HIPK2: variants seen among roughly 807,000 people sequenced by gnomAD.
The protein encoded by HIPK2 is homeodomain-interacting protein kinase 2.
Under a neutral mutation model 113.7 loss-of-function variants are expected in HIPK2, and 27 were observed. The ratio of observed to expected loss-of-function variants is 0.24; its 90% CI spans 0.17 to 0.33. HIPK2 has a LOEUF of 0.33. Ranked by LOEUF, HIPK2 falls within the 10% of genes least tolerant of loss-of-function variation. HIPK2 has a pLI of 1.00. For missense variants in HIPK2, 1,257 were observed against 1,588.0 expected (o/e 0.79, Z 3.54); for synonymous variants, 631 against 642.2 (o/e 0.98, Z 0.26).
intron 6 of HIPK2, among the ~76,000 whole-genome samples, chr7:139,624,401 C>T (rs1199892767): frequency 6.6e-6 from 1 of 152,178 alleles, no homozygotes; most frequent in Non-Finnish European, 1.5e-5. Context: ...CATTCCCTGC[C>T]TCGCTAGGAA....
rs35524669 is a variant in HIPK2 at position 139,630,078 on chromosome 7, C to T, written c.1348-1039G>A. ...CCAAAACAACAACAAAACAAACACC[C>T]ACCCACCCTGCTGCAAAAAAAGAAA... On this transcript the variant is annotated intron_variant, in intron 4 of 14. Coordinates refer to ENST00000406875, the MANE Select transcript of HIPK2 (RefSeq NM_022740.5). The surrounding 1 kb of genome is among the most constrained non-coding windows in gnomAD (Gnocchi z 4.0). Among the ~76,000 whole-genome samples the T allele has an allele frequency of 0.046, 6,993 of 152,086 alleles. 245 individuals are homozygous for T. The highest frequency in any genetic ancestry group is 0.071 in the Middle Eastern group (21 of 294).
chr7:139,586,727 C>G (rs1798842834), intron 12 of HIPK2, among the ~76,000 whole-genome samples: 1 of 151,798 alleles, frequency 6.6e-6, no homozygotes, highest in African/African-American at 2.4e-5. Flanking sequence ...CCACTGCACT[C>G]CAGCCTGGGT....
chr7:139,617,678 T>A (rs533352210), intron 7 of HIPK2, among the ~76,000 whole-genome samples: 2 of 152,340 alleles, frequency 1.3e-5, no homozygotes, highest in African/African-American at 4.8e-5. Flanking sequence ...TAACGGGTTA[T>A]GAATTATTGA....
intron 1 of HIPK2, among the ~76,000 whole-genome samples, chr7:139,752,551 A>C (rs1445807141): frequency 6.6e-6 from 1 of 151,894 alleles, no homozygotes; most frequent in Non-Finnish European, 1.5e-5. Flanking sequence ...AAAGCACCCC[A>C]AGCTAACTTA....
At position 139,573,176 on chromosome 7, in the gene HIPK2, G is replaced by C. The variant is rs757218007; in HGVS notation, c.3348C>G (p.Thr1116=). The change falls in exon 15 of 15, where the codon ACC becomes ACG. Residue 1116 remains threonine, a synonymous_variant. Coordinates refer to ENST00000406875, the MANE Select transcript of HIPK2 (RefSeq NM_022740.5). ...CTTGCGAGGCCACCAGGTGGGCCACGGTGCCGGTGGAGCCCAGGGCCGCCG... is the reference window on the plus strand; with the variant it reads ...CTTGCGAGGCCACCAGGTGGGCCACCGTGCCGGTGGAGCCCAGGGCCGCCG... ...TAPAALGSTG[T]VAHLVASQGS... 6.2e-7 allele frequency: 1 copy of C among 1,608,924 alleles called. No individual in the cohort carries two copies. Among genetic ancestry groups the C allele is most frequent in the African/African-American group, 1.3e-5 (1 of 74,874 alleles).
At chr7:139,687,193 A>C (rs1323440649) in intron 2 of HIPK2, among the ~76,000 whole-genome samples, 1 of 152,264 alleles carries the variant, frequency 6.6e-6, no homozygotes, top group Non-Finnish European at 1.5e-5. Flanking sequence ...CTTCTGCTTC[A>C]GCCTCCCAAG....
At chr7:139,734,113 T>A (rs1229234098) in intron 1 of HIPK2, among the ~76,000 whole-genome samples, 1 of 152,258 alleles carries the variant, frequency 6.6e-6, no homozygotes, top group East Asian at 1.9e-4. Flanking sequence ...AGGCACAGCA[T>A]GCTCACCTAG....
chr7:139,723,296 C>T (rs1040523310), intron 1 of HIPK2, among the ~76,000 whole-genome samples: 8 of 150,320 alleles, frequency 5.3e-5, no homozygotes, highest in Non-Finnish European at 1.0e-4. Flanking sequence ...CGAGTTCAAG[C>T]GAATCTCCTG....
chr7:139,693,548 CAG>C (rs60120398), intron 2 of HIPK2, among the ~76,000 whole-genome samples: 20,383 of 152,164 alleles, frequency 0.13, 1,550 homozygotes, highest in Non-Finnish European at 0.18. Flanking sequence ...TTGGTTTCCT[CAG>C]ACTCAATTTT....
At chr7:139,771,517 G>T (rs1336671091) in intron 1 of HIPK2, among the ~76,000 whole-genome samples, 3 of 152,152 alleles carry the variant, frequency 2.0e-5, no homozygotes, top group Non-Finnish European at 2.9e-5. Context: ...TTATAACTTA[G>T]ATGCATTAAA....
At chr7:139,774,651 A>G (rs1211833040) in intron 1 of HIPK2, among the ~76,000 whole-genome samples, 1 of 152,192 alleles carries the variant, frequency 6.6e-6, no homozygotes, top group Admixed American at 6.5e-5. Flanking sequence ...ACATAAGCCA[A>G]TAGTAATCAA....
At chr7:139,757,447 C>A (rs886064325) in intron 1 of HIPK2, among the ~76,000 whole-genome samples, 1 of 152,110 alleles carries the variant, frequency 6.6e-6, no homozygotes, top group Non-Finnish European at 1.5e-5. Context: ...GAAAGCCAGC[C>A]TCCTGCACTC....
intron 13 of HIPK2, among the ~76,000 whole-genome samples, chr7:139,580,496 A>G (rs1237910624): frequency 3.9e-5 from 6 of 152,180 alleles, no homozygotes; most frequent in African/African-American, 1.4e-4. Context: ...ATGCTGGTCA[A>G]CCTCCTAATG....
At position 139,749,055 on chromosome 7, in the gene HIPK2, A is replaced by C. The variant is rs73474132; in HGVS notation, c.19+28550T>G. Among the ~76,000 whole-genome samples the C allele has an allele frequency of 8.7e-3, 1,320 of 152,330 alleles. 13 individuals are homozygous for C. The highest frequency in any genetic ancestry group is 0.03 in the African/African-American group (1,242 of 41,578). Reference sequence around the variant, plus strand: ...GACCTTGAATACAGTGTGAAGGAAAAACTGTCACAATTGTCATGGTCACAA... The same window carrying C: ...GACCTTGAATACAGTGTGAAGGAAACACTGTCACAATTGTCATGGTCACAA... On this transcript the variant is annotated intron_variant, in intron 1 of 14. Coordinates refer to ENST00000406875, the MANE Select transcript of HIPK2 (RefSeq NM_022740.5).
chr7:139,563,748 C>A lies in HIPK2; in HGVS notation c.*9179G>T. ...AAAGACTGTCCTAAGAACACGCTGTCAATACAGTTCACAGGGAAAAAGCAA... is the reference window on the plus strand; with the variant it reads ...AAAGACTGTCCTAAGAACACGCTGTAAATACAGTTCACAGGGAAAAAGCAA... On this transcript the variant is annotated 3_prime_UTR_variant, in exon 15 of 15. Transcript: ENST00000406875. The A allele has an allele frequency of 2.5e-6, 1 of 398,282 alleles. No individual in the cohort carries two copies. Among genetic ancestry groups the A allele is most frequent in the South Asian group, 1.3e-4 (1 of 7,658 alleles). The allele number at this position is 398,282 out of a possible 1,614,324, so 24.7% of individuals were successfully genotyped here.
intron 5 of HIPK2, among the ~76,000 whole-genome samples, chr7:139,627,031 G>A (rs777032504): frequency 6.6e-6 from 1 of 152,134 alleles, no homozygotes; most frequent in African/African-American, 2.4e-5. Context: ...CTGCTGCTGG[G>A]ACCTGCAAAT....
intron 13 of HIPK2, among the ~76,000 whole-genome samples, chr7:139,581,331 A>T (rs1798662214): frequency 6.6e-6 from 1 of 152,216 alleles, no homozygotes; most frequent in South Asian, 2.1e-4. Context: ...GGGTGAAGGC[A>T]GCTTCAGAGA....
At chr7:139,574,038 G>A (rs932566670) in intron 14 of HIPK2, among the ~76,000 whole-genome samples, 8 of 152,090 alleles carry the variant, frequency 5.3e-5, no homozygotes, top group African/African-American at 1.7e-4. Context: ...CTAGCTCACT[G>A]TAGCCTTGAA....
intron 9 of HIPK2, among the ~76,000 whole-genome samples, chr7:139,607,952 T>G (rs572358533): frequency 7.9e-5 from 12 of 152,208 alleles, no homozygotes; most frequent in Admixed American, 3.3e-4. Flanking sequence ...AAAATTATCG[T>G]TATGGCCAGG....
Sources: gnomAD v4.1 joint callset for allele counts (sites outside exome capture counted in the v4.1 genomes callset) on GRCh38, gnomAD v4.1.1 for gene constraint, Gnocchi (gnomAD v3.1) non-coding constraint, MANE v1.5 for transcripts, NCBI Gene and HGNC (gene_info 2026-07-23, HGNC 2026-07-21) for gene names.